The following MAPKAP1 variants were observed in gnomAD, a reference collection of about 807,000 sequenced individuals.
MAPKAP1 encodes the protein target of rapamycin complex 2 subunit MAPKAP1.
A neutral mutation model predicts 65.7 loss-of-function variants in MAPKAP1; 20 were observed. The ratio of observed to expected loss-of-function variants is 0.30; its 90% CI spans 0.21 to 0.44. The LOEUF (loss-of-function observed/expected upper bound fraction) is 0.44. MAPKAP1 is among the 20% of genes least tolerant of loss of function. The pLI is 1.00. For synonymous variants in MAPKAP1, 222 were observed against 244.3 expected, an observed-to-expected ratio of 0.91 and a Z score of 0.85; for missense variants, 423 against 648.0, an observed-to-expected ratio of 0.65 and a Z score of 3.77.
chr9:125,443,136 C>T (rs1427527849), intron 11 of MAPKAP1, among the ~76,000 whole-genome samples: 1 of 152,222 alleles, frequency 6.6e-6, no homozygotes, highest in African/African-American at 2.4e-5. Flanking sequence ...TGGCCCAGGT[C>T]CTGCACTGTG....
At chr9:125,640,475 G>A (rs1033969183) in intron 4 of MAPKAP1, among the ~76,000 whole-genome samples, 14 of 151,796 alleles carry the variant, frequency 9.2e-5, no homozygotes, top group Non-Finnish European at 1.3e-4. Context: ...ATGCACCCCC[G>A]AGACCACTTA....
intron 1 of MAPKAP1, among the ~76,000 whole-genome samples, chr9:125,703,215 A>G (rs1005997308): frequency 5.3e-5 from 8 of 152,156 alleles, no homozygotes; most frequent in Non-Finnish European, 1.2e-4. Flanking sequence ...TCATCCTAGT[A>G]CATAACAGGC....
intron 7 of MAPKAP1, among the ~76,000 whole-genome samples, chr9:125,536,602 A>ATTCATTCT (rs1443104576): frequency 6.6e-6 from 1 of 151,966 alleles, no homozygotes; most frequent in African/African-American, 2.4e-5. Context: ...TCATTCATTC[A>ATTCATTCT]TTCAGTGTTT....
chr9:125,707,077 T>C lies in MAPKAP1; in HGVS notation c.-176A>G. The C allele has an allele frequency of 2.5e-6, 1 of 398,068 alleles. No individual in the cohort carries two copies. Among genetic ancestry groups the C allele is most frequent in the East Asian group, 3.6e-5 (1 of 28,034 alleles). 24.7% of individuals were successfully genotyped at this position (398,068 alleles called of 1,614,324 possible). On this transcript the variant is annotated 5_prime_UTR_variant, in exon 1 of 12. Transcript: ENST00000265960. ...GGCCCCTGCCCCGAGCTCTGCACTC[T>C]CGGGATCCACGGGGACCGGCGCTCC... is the stretch of plus-strand genomic sequence containing the variant.
chr9:125,537,873 G>A (rs1403929227), intron 7 of MAPKAP1, among the ~76,000 whole-genome samples: 1 of 152,144 alleles, frequency 6.6e-6, no homozygotes, highest in Non-Finnish European at 1.5e-5. Context: ...TGGTATTATG[G>A]AGACTGACCC....
At chr9:125,542,391 C>T (rs189094806) in intron 7 of MAPKAP1, among the ~76,000 whole-genome samples, 20 of 152,228 alleles carry the variant, frequency 1.3e-4, no homozygotes, top group African/African-American at 4.1e-4. Flanking sequence ...ATATTCAACA[C>T]GTCATATATG....
At chr9:125,491,185 T>C (rs995312673) in intron 8 of MAPKAP1, among the ~76,000 whole-genome samples, 3 of 148,180 alleles carry the variant, frequency 2.0e-5, no homozygotes, top group African/African-American at 7.5e-5. Flanking sequence ...GGCTTATGAA[T>C]ATAATTCCAG....
intron 1 of MAPKAP1, among the ~76,000 whole-genome samples, chr9:125,689,776 G>A (rs991168418): frequency 6.7e-6 from 1 of 148,330 alleles, no homozygotes; most frequent in Non-Finnish European, 1.5e-5. Context: ...TGAGAGCAAC[G>A]CTAGAGGAGT....
chr9:125,659,326 T>A (rs532186292), intron 3 of MAPKAP1, among the ~76,000 whole-genome samples: 2 of 152,164 alleles, frequency 1.3e-5, no homozygotes, highest in South Asian at 4.1e-4. Flanking sequence ...ACATAAGTAA[T>A]GTATAGACTT....
At chr9:125,683,449 T>C (rs1286603956) in intron 1 of MAPKAP1, among the ~76,000 whole-genome samples, 1 of 152,162 alleles carries the variant, frequency 6.6e-6, no homozygotes, top group Non-Finnish European at 1.5e-5. Context: ...TTGCCGGCCT[T>C]GAAGAAGCAA....
At chr9:125,496,347 C>T (rs1345596824) in intron 8 of MAPKAP1, among the ~76,000 whole-genome samples, 1 of 152,194 alleles carries the variant, frequency 6.6e-6, no homozygotes, top group East Asian at 1.9e-4. Flanking sequence ...ACAGTGAACA[C>T]CTCCCCGCTA....
At chr9:125,498,986 T>C (rs1225644566) in intron 8 of MAPKAP1, among the ~76,000 whole-genome samples, 1 of 152,250 alleles carries the variant, frequency 6.6e-6, no homozygotes, top group African/African-American at 2.4e-5. Flanking sequence ...ACAGTTAACA[T>C]TTATTGAGTA....
chr9:125,495,022 AC>A (rs1360335318), intron 8 of MAPKAP1, among the ~76,000 whole-genome samples: 1 of 152,200 alleles, frequency 6.6e-6, no homozygotes, highest in Non-Finnish European at 1.5e-5. Flanking sequence ...AAGGGTCTGG[AC>A]CAATGGTTCA....
chr9:125,442,410 A>G (rs554518426), intron 11 of MAPKAP1, among the ~76,000 whole-genome samples: 49 of 152,290 alleles, frequency 3.2e-4, no homozygotes, highest in Non-Finnish European at 5.9e-4. Flanking sequence ...CCACAGTCTC[A>G]TACTGAAGTC....
chr9:125,638,051 T>A (rs1833476314), intron 4 of MAPKAP1, among the ~76,000 whole-genome samples: 1 of 152,090 alleles, frequency 6.6e-6, no homozygotes, highest in Admixed American at 6.6e-5. Flanking sequence ...GGATTACAGG[T>A]CTGAGCCCCC....
In MAPKAP1 at chr9:125,447,871, T is replaced by C. The variant is rs1262371449; in HGVS notation, c.1346-3273A>G. Among the ~76,000 whole-genome samples, 1 of 150,992 alleles carries C rather than the reference T, an allele frequency of 6.6e-6. No individual in the cohort carries two copies. The highest frequency in any genetic ancestry group is 2.4e-5 in the African/African-American group (1 of 40,986). Reference sequence around the variant, plus strand: ...GGGTAAAGGTGAGGGTGGAGAAGGGTGAAAAAGAGGAAGATGCCACAGGGC... The same window carrying C: ...GGGTAAAGGTGAGGGTGGAGAAGGGCGAAAAAGAGGAAGATGCCACAGGGC... On this transcript the variant is annotated intron_variant, in intron 10 of 11. Transcript: ENST00000265960. The surrounding 1 kb of genome is among the most constrained non-coding windows in gnomAD (Gnocchi z 4.5).
intron 4 of MAPKAP1, among the ~76,000 whole-genome samples, chr9:125,625,757 T>TAA (rs1381294640): frequency 1.3e-5 from 2 of 152,126 alleles, no homozygotes; most frequent in African/African-American, 2.4e-5. Flanking sequence ...ATTGCACCAC[T>TAA]GTATTCCAGC....
chr9:125,644,215 G>A (rs1406275022), intron 4 of MAPKAP1, among the ~76,000 whole-genome samples: 1 of 152,152 alleles, frequency 6.6e-6, no homozygotes, highest in Non-Finnish European at 1.5e-5. Flanking sequence ...TAAGGCAGGT[G>A]TCTAATGTAT....
intron 5 of MAPKAP1, among the ~76,000 whole-genome samples, chr9:125,578,876 T>A (rs547297715): frequency 1.3e-5 from 2 of 152,210 alleles, no homozygotes; most frequent in Admixed American, 6.5e-5. Flanking sequence ...ATTGACTTAA[T>A]AAGTATATAT....
Sources: gnomAD v4.1 joint callset for allele counts (sites outside exome capture counted in the v4.1 genomes callset) on GRCh38, gnomAD v4.1.1 for gene constraint, Gnocchi (gnomAD v3.1) non-coding constraint, MANE v1.5 for transcripts, NCBI Gene and HGNC (gene_info 2026-07-23, HGNC 2026-07-21) for gene names.